The following DEPTOR variants were observed in gnomAD, a reference collection of about 807,000 sequenced individuals.
DEPTOR encodes DEP domain-containing mTOR-interacting protein.
Under a neutral mutation model 41.6 loss-of-function variants are expected in DEPTOR, and 41 were observed. That is an observed-to-expected ratio of 0.98 (90% CI 0.77 to 1.28). The LOEUF (loss-of-function observed/expected upper bound fraction) is 1.28, where lower values mean the gene tolerates loss of function less well. DEPTOR is among the 50% of genes most tolerant of loss of function. The pLI is 0.00. For synonymous variants in DEPTOR, 195 were observed against 192.3 expected, an observed-to-expected ratio of 1.01 and a Z score of -0.12; for missense variants, 514 against 527.9, an observed-to-expected ratio of 0.97 and a Z score of 0.26.
At chr8:119,884,428 C>T (rs567441125) in intron 1 of DEPTOR, among the ~76,000 whole-genome samples, 3 of 152,150 alleles carry the variant, frequency 2.0e-5, no homozygotes, top group South Asian at 2.1e-4. Flanking sequence ...GAATACTATG[C>T]GAGTCGTGAG....
intron 8 of DEPTOR, among the ~76,000 whole-genome samples, chr8:120,020,733 T>TA (rs1021234460): frequency 6.6e-6 from 1 of 152,082 alleles, no homozygotes; most frequent in African/African-American, 2.4e-5. Context: ...AATAATTACT[T>TA]AAACTAATCT....
intron 1 of DEPTOR, among the ~76,000 whole-genome samples, chr8:119,903,514 A>T (rs1331332932): frequency 6.6e-6 from 1 of 152,190 alleles, no homozygotes; most frequent in Non-Finnish European, 1.5e-5. Flanking sequence ...TATGTCATCA[A>T]CATAGTGAAG....
chr8:120,041,497 G>T (rs984738028), intron 8 of DEPTOR, among the ~76,000 whole-genome samples: 1 of 152,088 alleles, frequency 6.6e-6, no homozygotes, highest in East Asian at 1.9e-4. Context: ...CCTGCCTCCT[G>T]CTTCCTGTTA....
chr8:120,020,471 G>A (rs1372386628), intron 8 of DEPTOR, among the ~76,000 whole-genome samples: 1 of 152,104 alleles, frequency 6.6e-6, no homozygotes, highest in East Asian at 1.9e-4. Flanking sequence ...CACCTCCTGG[G>A]CTCAAGCAAT....
Position 119,971,706 on chromosome 8 carries a change from G to T in DEPTOR, c.604+6296G>T, listed in dbSNP as rs182654091. Among the ~76,000 whole-genome samples the T allele has an allele frequency of 4.2e-4, 64 of 152,244 alleles. 1 individual carries two copies. The highest frequency in any genetic ancestry group is 1.5e-3 in the African/African-American group (62 of 41,552). On this transcript the variant is annotated intron_variant, in intron 4 of 8. Transcript: ENST00000286234. The stretch of plus-strand genomic sequence containing the variant: ...GAGGGGCAGAAGCGGGGAGAAGGTC[G>T]GAGACATCGTAGATTTTTCTTCAGT...
chr8:119,982,146 G>A lies in DEPTOR; in HGVS notation c.604+16736G>A, dbSNP rs72673659. Among the ~76,000 whole-genome samples, 109 of 151,900 alleles carry A rather than the reference G, an allele frequency of 7.2e-4. 1 individual carries two copies. In the Middle Eastern group the frequency reaches 0.01, roughly 14 times the overall value. ...GACCATGTCTTTCAGGGAGAGATTG[G>A]TTTCTACATATTTATTACTTTCACT... On this transcript the variant is annotated intron_variant, in intron 4 of 8. Coordinates refer to ENST00000286234, the MANE Select transcript of DEPTOR (RefSeq NM_022783.4).
chr8:119,972,944 CTT>C (rs958136792), intron 4 of DEPTOR, among the ~76,000 whole-genome samples: 1 of 146,092 alleles, frequency 6.8e-6, no homozygotes. Context: ...GGATAAATAC[CTT>C]TTTTTTTTTT....
chr8:120,040,718 T>G (rs1813055204), intron 8 of DEPTOR, among the ~76,000 whole-genome samples: 1 of 152,206 alleles, frequency 6.6e-6, no homozygotes, highest in African/African-American at 2.4e-5. Flanking sequence ...AAAGTCTTCC[T>G]CATTAAGTGG....
intron 4 of DEPTOR, among the ~76,000 whole-genome samples, chr8:119,985,758 CTTTGTCTTT>C (rs1166840635): frequency 3.5e-5 from 5 of 142,522 alleles, no homozygotes; most frequent in Non-Finnish European, 7.6e-5. Context: ...TAATGCCCTT[CTTTGTCTTT>C]TTTGATCTTT....
intron 3 of DEPTOR, among the ~76,000 whole-genome samples, chr8:119,960,144 A>AAGCT: frequency 6.6e-6 from 1 of 152,192 alleles, no homozygotes; most frequent in Middle Eastern, 3.4e-3. Flanking sequence ...GAATTGCTTG[A>AAGCT]AGCTGCAAGG....
chr8:120,038,610 GA>G (rs1563599968), intron 8 of DEPTOR, among the ~76,000 whole-genome samples: 3 of 145,580 alleles, frequency 2.1e-5, no homozygotes, highest in Non-Finnish European at 4.6e-5. Context: ...AAAAAAAAAA[GA>G]AAAAAGAAAT....
At chr8:119,978,830 C>T (rs921661648) in intron 4 of DEPTOR, among the ~76,000 whole-genome samples, 5 of 152,118 alleles carry the variant, frequency 3.3e-5, no homozygotes, top group East Asian at 1.9e-4. Context: ...GATTCTGAGC[C>T]GCTCACTATA....
rs375347409 is a variant in DEPTOR, at chr8:120,049,602, C to T, written c.1128C>T (p.Asn376=). ...TCTGTCAGTTTGTCGTCTCTGTCAA[C>T]GGGCTCAATGTCCTGCATGTAGACT... The part of the protein sequence containing the change: ...MKVCQFVVSV[N]GLNVLHVDYR... Residue 376 remains asparagine (N), a synonymous_variant, in exon 9 of 9, where the codon AAC becomes AAT. Coordinates refer to ENST00000286234, the MANE Select transcript of DEPTOR (RefSeq NM_022783.4). 1.6e-4 allele frequency: 262 copies of T among 1,613,492 alleles called. No homozygotes were observed. The highest frequency in any genetic ancestry group is 2.4e-4 in the African/African-American group (18 of 74,886).
intron 1 of DEPTOR, among the ~76,000 whole-genome samples, chr8:119,920,300 A>G (rs183193629): frequency 1.2e-3 from 176 of 152,318 alleles, no homozygotes; most frequent in African/African-American, 4.1e-3. Context: ...ACTATTTGCT[A>G]TGCACTAGAA....
At chr8:119,928,989 A>G (rs1828005220) in intron 2 of DEPTOR, among the ~76,000 whole-genome samples, 1 of 152,198 alleles carries the variant, frequency 6.6e-6, no homozygotes, top group Non-Finnish European at 1.5e-5. Flanking sequence ...TCATTATAGA[A>G]GTGCATATTT....
At chr8:120,049,510 T>G (rs1191515953) in intron 8 of DEPTOR, 66 bp from the exon 9 acceptor site, 5 of 1,570,226 alleles carry the variant, frequency 3.2e-6, no homozygotes, top group Non-Finnish European at 4.3e-6. Flanking sequence ...ACACACTGTC[T>G]TTATTAAAGC....
intron 1 of DEPTOR, among the ~76,000 whole-genome samples, chr8:119,887,138 T>TCCC (rs1827376735): frequency 5.8e-4 from 4 of 6,928 alleles, no homozygotes; most frequent in Non-Finnish European, 8.3e-4. Flanking sequence ...CCCCCCCCCC[T>TCCC]CCCCTCCTCC....
chr8:119,883,807 G>A (rs897010123), intron 1 of DEPTOR, among the ~76,000 whole-genome samples: 1 of 152,112 alleles, frequency 6.6e-6, no homozygotes, highest in African/African-American at 2.4e-5. Context: ...AGTAAGCCTT[G>A]GGCCAGTAGG....
chr8:120,002,891 T>A, intron 5 of DEPTOR, 86 bp from the exon 6 acceptor site: 1 of 1,487,288 alleles, frequency 6.7e-7, no homozygotes, highest in Non-Finnish European at 9.0e-7. Flanking sequence ...TCCTGGCCCC[T>A]CTGGACCTTG....
Sources: allele counts gnomAD v4.1 joint callset (sites outside exome capture counted in the v4.1 genomes callset), GRCh38; gene constraint gnomAD v4.1.1; transcripts MANE v1.5; gene names NCBI Gene and HGNC (gene_info 2026-07-23, HGNC 2026-07-21).